The following PKP1 variants were observed in gnomAD, a reference collection of about 807,000 sequenced individuals.
PKP1 encodes plakophilin 1, also known as plakophilin-1.
PKP1 carries 27 observed loss-of-function variants against 76.4 expected under a neutral mutation model. The ratio of observed to expected loss-of-function variants is 0.35; its 90% CI spans 0.26 to 0.49. The LOEUF is 0.49. Ranked by LOEUF, PKP1 falls within the 20% of genes least tolerant of loss-of-function variation. PKP1 has a pLI of 0.99. For missense variants in PKP1, 964 were observed against 955.2 expected (o/e 1.01, Z -0.12); for synonymous variants, 404 against 384.2 (o/e 1.05, Z -0.60).
rs1656632141 is a variant in PKP1 at position 201,313,527 on chromosome 1, A to G, written c.668A>G (p.Asp223Gly). 1 of 1,613,802 alleles carries G rather than the reference A, an allele frequency of 6.2e-7. No individual in the cohort carries two copies. The highest frequency in any genetic ancestry group is 8.5e-7 in the Non-Finnish European group (1 of 1,179,946). The change falls in exon 3 of 14, where the codon GAC (aspartate) becomes GGC (glycine). Residue 223 changes from aspartate to glycine, a missense_variant. Physicochemically the swap from Asp to Gly is moderately conservative, Grantham distance 94. Transcript: ENST00000367324. ...VYIPPISCNKDLSFGHSRASS... is the reference protein window; with the variant it reads ...VYIPPISCNKGLSFGHSRASS... ...ATCCCGCCCATCTCCTGCAACAAGG[A>G]CCTGTCCTTTGGCCACTCTAGGGCC...
At chr1:201,324,687 TC>T in intron 10 of PKP1, 106 bp downstream of exon 10, 1 of 1,424,142 alleles carries the variant, frequency 7.0e-7, no homozygotes, top group Non-Finnish European at 9.8e-7. Context: ...GGATGAGCAT[TC>T]CAAGAAAGGA....
Position 201,317,666 on chromosome 1 carries a change from T to A in PKP1, c.941T>A (p.Leu314Gln). ...QQAAAGALRN[L>Q]VFRSTTNKLE... is the part of the protein sequence containing the mutation. Reference sequence around the variant, plus strand: ...GCCGCGGCAGGGGCCCTGCGCAACCTGGTGTTCAGGAGCACCACCAACAAG... The same window carrying A: ...GCCGCGGCAGGGGCCCTGCGCAACCAGGTGTTCAGGAGCACCACCAACAAG... The change falls in exon 5 of 14, where the codon CTG (leucine) becomes CAG (glutamine). Residue 314 changes from leucine to glutamine, a missense_variant. Transcript: ENST00000367324. 6.2e-7 allele frequency: 1 copy of A among 1,613,934 alleles called. No homozygotes were observed. The highest frequency in any genetic ancestry group is 8.5e-7 in the Non-Finnish European group (1 of 1,179,966).
At chr1:201,305,382 T>C (rs1656343095) in intron 2 of PKP1, among the ~76,000 whole-genome samples, 2 of 152,122 alleles carry the variant, frequency 1.3e-5, no homozygotes, top group Non-Finnish European at 2.9e-5. Context: ...CTGGGCATGG[T>C]GGTGTGCACC....
intron 2 of PKP1, among the ~76,000 whole-genome samples, chr1:201,306,038 G>A (rs1454901404): frequency 3.3e-5 from 5 of 152,310 alleles, no homozygotes; most frequent in South Asian, 4.1e-4. Flanking sequence ...TGAGAGCTGC[G>A]TCTGAAGTGG....
At chr1:201,322,579 C>T (rs1656979375) in intron 8 of PKP1, among the ~76,000 whole-genome samples, 1 of 152,286 alleles carries the variant, frequency 6.6e-6, no homozygotes, top group East Asian at 1.9e-4. Context: ...AGGTCTCCTT[C>T]ACTGGGCCCA....
chr1:201,291,554 G>T lies in PKP1; in HGVS notation c.203-2388G>T, dbSNP rs574403231. On this transcript the variant is annotated intron_variant, in intron 1 of 13. Transcript: ENST00000367324. ...GGGGAGAGCAGCATCATGCTGACAG[G>T]TTCTCTCCCAGAAGACGGGCAAGAA... Among the ~76,000 whole-genome samples, 280 of 152,282 alleles carry T rather than the reference G, an allele frequency of 1.8e-3. 1 individual carries two copies. The highest frequency in any genetic ancestry group is 0.01 in the Middle Eastern group (3 of 294).
At chr1:201,291,313 G>A (rs976890838) in intron 1 of PKP1, among the ~76,000 whole-genome samples, 12 of 152,196 alleles carry the variant, frequency 7.9e-5, no homozygotes, top group Non-Finnish European at 1.5e-4. Context: ...CCACAAGTGA[G>A]TGACAGTCAC....
chr1:201,320,004 C>T (rs1486691082), intron 6 of PKP1: 10 of 1,043,414 alleles, frequency 9.6e-6, no homozygotes, highest in Non-Finnish European at 3.0e-6. Flanking sequence ...TCAGCCTCAG[C>T]CAGGGCCAGG....
At chr1:201,287,250 G>A (rs1420909349) in intron 1 of PKP1, among the ~76,000 whole-genome samples, 1 of 152,196 alleles carries the variant, frequency 6.6e-6, no homozygotes, top group East Asian at 1.9e-4. Context: ...GGAGGTGCCT[G>A]CTCCCTTTCT....
intron 1 of PKP1, among the ~76,000 whole-genome samples, chr1:201,290,213 C>T (rs182121472): frequency 3.4e-4 from 52 of 152,238 alleles, no homozygotes; most frequent in Admixed American, 3.1e-3. Context: ...TAAAATCAGA[C>T]GAGCTATGTG....
chr1:201,329,941 C>A (rs1358868864), intron 13 of PKP1, 133 bp from the exon 14 acceptor site: 1 of 152,244 alleles, frequency 6.6e-6, no homozygotes, highest in Non-Finnish European at 1.5e-5. Flanking sequence ...GTGTCTAGGG[C>A]AGCCTTGAAT....
At chr1:201,285,533 C>A (rs1655708063) in intron 1 of PKP1, among the ~76,000 whole-genome samples, 1 of 152,142 alleles carries the variant, frequency 6.6e-6, no homozygotes, top group African/African-American at 2.4e-5. Context: ...TGCCTCCTAG[C>A]CTCTTTAGAA....
In PKP1 at chr1:201,324,421, C is replaced by T. The variant is rs759444534; in HGVS notation, c.1681-7C>T. On this transcript the variant is annotated splice_polypyrimidine_tract_variant and splice_region_variant and intron_variant, in intron 9 of 13. Transcript: ENST00000367324. ...GGCTAGCTCATCATCTACTCCTTCT[C>T]TCTTAGATGTCCAGTGGCATGAGCC... 3.7e-6 allele frequency: 6 copies of T among 1,614,046 alleles called. No individual in the cohort carries two copies. Among genetic ancestry groups the T allele is most frequent in the Non-Finnish European group, 5.1e-6 (6 of 1,179,944 alleles).
chr1:201,318,674 G>C lies in PKP1; in HGVS notation c.1111G>C (p.Ala371Pro). ...DELKEELIAD[A>P]LPVLADRVII... ...GCTGAAGGAGGAACTCATTGCCGAC[G>C]CCCTGCCTGTTCTGGCCGACCGCGT... is the stretch of plus-strand genomic sequence containing the variant. The change falls in exon 6 of 14, where the codon GCC (alanine) becomes CCC (proline). Residue 371 changes from alanine (A) to proline (P), a missense_variant. Transcript: ENST00000367324. 6.2e-7 allele frequency: 1 copy of C among 1,612,312 alleles called. No homozygotes were observed. The highest frequency in any genetic ancestry group is 8.5e-7 in the Non-Finnish European group (1 of 1,179,926).
intron 2 of PKP1, among the ~76,000 whole-genome samples, chr1:201,311,127 G>T (rs1027687353): frequency 2.6e-5 from 4 of 152,244 alleles, no homozygotes; most frequent in Admixed American, 6.5e-5. Flanking sequence ...GGCTTAGCTG[G>T]CTCTTTGCCC....
rs773567854 is a variant in PKP1 at position 201,325,749 on chromosome 1, C to T, written c.2022-5C>T. 8 of 1,611,030 alleles carry T rather than the reference C, an allele frequency of 5.0e-6. No homozygotes were observed. The African/African-American group carries it at 5.3e-5, about 11-fold the overall frequency. On this transcript the variant is annotated splice_region_variant and splice_polypyrimidine_tract_variant and intron_variant, in intron 11 of 13. Coordinates refer to ENST00000367324, the MANE Select transcript of PKP1 (RefSeq NM_001005337.3). The stretch of plus-strand genomic sequence containing the variant: ...ATCTCACAAATGCACTTCTCACCTG[C>T]CCAGTGCCTCACCCAAGGCCGCAGA...
intron 8 of PKP1, 123 bp downstream of exon 8, chr1:201,322,256 A>C (rs1222587744): frequency 2.8e-6 from 3 of 1,052,828 alleles, no homozygotes; most frequent in Non-Finnish European, 4.1e-6. Context: ...GGACAGGCCC[A>C]TGCTGACACC....
At chr1:201,325,583 G>A (rs1342873098) in intron 11 of PKP1, among the ~76,000 whole-genome samples, 171 bp from the exon 12 acceptor site, 1 of 152,074 alleles carries the variant, frequency 6.6e-6, no homozygotes, top group Non-Finnish European at 1.5e-5. Context: ...CACTGGGTAG[G>A]GTGACCAGGC....
chr1:201,317,771 A>T lies in PKP1; in HGVS notation c.1046A>T (p.Gln349Leu). The change falls in exon 5 of 14, where the codon CAG becomes CTG. Residue 349 changes from glutamine to leucine, a missense_variant. Coordinates refer to ENST00000367324, the MANE Select transcript of PKP1 (RefSeq NM_001005337.3). Reference protein sequence around the residue: ...RRTGNAEIQKQLTGLLWNLSS... With the variant: ...RRTGNAEIQKLLTGLLWNLSS... The stretch of plus-strand genomic sequence containing the variant: ...ACCGGGAACGCCGAGATCCAGAAGC[A>T]GCTGACTGGTAGGACAACACGGCCA... The T allele has an allele frequency of 5.6e-6, 9 of 1,613,376 alleles. No individual in the cohort carries two copies. Among genetic ancestry groups the T allele is most frequent in the Admixed American group, 1.7e-5 (1 of 60,016 alleles).
Sources: allele counts gnomAD v4.1 joint callset (sites outside exome capture counted in the v4.1 genomes callset), GRCh38; gene constraint gnomAD v4.1.1; transcripts MANE v1.5; gene names NCBI Gene and HGNC (gene_info 2026-07-23, HGNC 2026-07-21).